B4GALT6: variants seen among roughly 807,000 people sequenced by gnomAD.
B4GALT6 encodes beta-1,4-galactosyltransferase 6.
Under a neutral mutation model 46.3 loss-of-function variants are expected in B4GALT6, and 14 were observed. The ratio of observed to expected loss-of-function variants is 0.30; its 90% confidence interval spans 0.20 to 0.47. B4GALT6 has a LOEUF of 0.47. B4GALT6 is among the 20% of genes least tolerant of loss of function. The probability of loss-of-function intolerance (pLI) is 0.99; values close to 1 mark genes in which losing one functional copy is unlikely to be tolerated. For missense variants in B4GALT6, 386 were observed against 480.1 expected, an observed-to-expected ratio of 0.80 and a Z score of 1.83; for synonymous variants, 168 against 162.0, an observed-to-expected ratio of 1.04 and a Z score of -0.28.
rs577768927 is a variant in B4GALT6, at chr18:31,623,405, A to C, written c.*2209T>G. 11 of 152,510 alleles carry C rather than the reference A, an allele frequency of 7.2e-5. No homozygotes were observed. The highest frequency in any genetic ancestry group is 2.0e-4 in the Admixed American group (3 of 15,276). 9.4% of individuals were successfully genotyped at this position (152,510 alleles called of 1,614,324 possible). ...AAAAAAAGCAAAATGTTTATATCTC[A>C]CTCCTGAAACAAAAATTAACATCAG... On this transcript the variant is annotated 3_prime_UTR_variant, in exon 9 of 9. Transcript: ENST00000306851.
intron 4 of B4GALT6, among the ~76,000 whole-genome samples, chr18:31,644,102 G>C (rs1365132401): frequency 6.6e-6 from 1 of 152,186 alleles, no homozygotes; most frequent in Non-Finnish European, 1.5e-5. Context: ...AAATGAATCT[G>C]ATCTGGGAAA....
At chr18:31,712,420 A>T in the B4GALT6 span, among the ~76,000 whole-genome samples, 2 of 148,482 alleles carry the variant, frequency 1.3e-5, no homozygotes, top group African/African-American at 5.1e-5. Flanking sequence ...CTCCTGCCTC[A>T]GCCTCCCAAG....
intron 2 of B4GALT6, among the ~76,000 whole-genome samples, chr18:31,662,140 T>C (rs1254318886): frequency 2.0e-5 from 3 of 152,206 alleles, no homozygotes; most frequent in Non-Finnish European, 4.4e-5. Flanking sequence ...AGAGTAAACA[T>C]TCCATCACTT....
chr18:31,665,599 G>A (rs1050303262), intron 2 of B4GALT6, among the ~76,000 whole-genome samples: 21 of 152,068 alleles, frequency 1.4e-4, no homozygotes, highest in African/African-American at 4.1e-4. Context: ...AAAATTAGCC[G>A]GGCGTGGTGA....
chr18:31,673,617 A>C (rs1389215506), intron 1 of B4GALT6, among the ~76,000 whole-genome samples: 1 of 152,230 alleles, frequency 6.6e-6, no homozygotes. Context: ...ACATTTACTA[A>C]GTGCTGAGTT....
chr18:31,681,097 G>C (rs928270911), intron 1 of B4GALT6, among the ~76,000 whole-genome samples: 2 of 102,488 alleles, frequency 2.0e-5, no homozygotes, highest in Non-Finnish European at 4.1e-5. Context: ...ATGAGCCTTA[G>C]TCATCTATCT....
At position 31,623,952 on chromosome 18, in the gene B4GALT6, ATTG is replaced by A. The variant is rs1287058062; in HGVS notation, c.*1659_*1661del. The A allele has an allele frequency of 2.6e-5, 4 of 152,006 alleles. No homozygotes were observed. The highest frequency in any genetic ancestry group is 1.9e-4 in the East Asian group (1 of 5,206). 9.4% of individuals were successfully genotyped at this position (152,006 alleles called of 1,614,324 possible). A position where few individuals can be genotyped will look rare whatever the true frequency, so the allele number is the denominator to read the frequency against. On this transcript the variant is annotated 3_prime_UTR_variant, in exon 9 of 9. Transcript: ENST00000306851. ...CATATATAGATTTCTATTGCTCATC[ATTG>A]TTGTTGAACATTCACTTTATAGATA...
chr18:31,701,619 C>T, the B4GALT6 span, among the ~76,000 whole-genome samples: 1 of 152,096 alleles, frequency 6.6e-6, no homozygotes, highest in Admixed American at 6.5e-5. Flanking sequence ...AAAATGTCCA[C>T]AGTTCAATGT....
intron 2 of B4GALT6, among the ~76,000 whole-genome samples, chr18:31,660,716 AAAAG>A (rs1212428445): frequency 6.6e-6 from 1 of 152,152 alleles, no homozygotes; most frequent in Non-Finnish European, 1.5e-5. Flanking sequence ...AGGAGTTCCA[AAAAG>A]AAAGGAAAAT....
intron 1 of B4GALT6, among the ~76,000 whole-genome samples, chr18:31,673,819 T>A (rs1024486549): frequency 6.6e-6 from 1 of 152,104 alleles, no homozygotes; most frequent in African/African-American, 2.4e-5. Flanking sequence ...GCAATTAAGC[T>A]AAGGATTCTG....
At chr18:31,709,551 ATATGTGTG>A in the B4GALT6 span, among the ~76,000 whole-genome samples, 91 of 104,018 alleles carry the variant, frequency 8.7e-4, no homozygotes, top group South Asian at 1.2e-3. Context: ...AATAGGATAT[ATATGTGTG>A]TGTGTGTGTG....
At chr18:31,660,003 A>G (rs1405804977) in intron 2 of B4GALT6, among the ~76,000 whole-genome samples, 1 of 130,018 alleles carries the variant, frequency 7.7e-6, no homozygotes, top group African/African-American at 3.0e-5. Context: ...CATAGGCTGG[A>G]GTGCAGTGGC....
chr18:31,701,405 G>T, the B4GALT6 span, among the ~76,000 whole-genome samples: 2,580 of 152,242 alleles, frequency 0.017, 93 homozygotes, highest in African/African-American at 0.06. Context: ...CTTCTGCACA[G>T]CCTGCAGAAC....
At chr18:31,708,776 A>G in the B4GALT6 span, among the ~76,000 whole-genome samples, 2 of 152,128 alleles carry the variant, frequency 1.3e-5, no homozygotes, top group African/African-American at 4.8e-5. Flanking sequence ...AAGATTAGAT[A>G]GATCTGGGGA....
At chr18:31,672,797 A>T (rs1284934549) in intron 1 of B4GALT6, among the ~76,000 whole-genome samples, 1 of 152,194 alleles carries the variant, frequency 6.6e-6, no homozygotes, top group African/African-American at 2.4e-5. Flanking sequence ...TAAGTGGTGG[A>T]GCCAGAATTC....
the B4GALT6 span, among the ~76,000 whole-genome samples, chr18:31,699,512 G>C: frequency 6.7e-6 from 1 of 149,992 alleles, no homozygotes; most frequent in East Asian, 1.9e-4. Flanking sequence ...GACCTCAGGT[G>C]ATCTGCCTGC....
intron 5 of B4GALT6, among the ~76,000 whole-genome samples, chr18:31,633,878 T>C (rs1234857514): frequency 6.6e-6 from 1 of 152,180 alleles, no homozygotes; most frequent in Non-Finnish European, 1.5e-5. Context: ...TGCAGAATGA[T>C]TTACTACTGC....
Position 31,625,701 on chromosome 18 carries a change from T to C in B4GALT6, c.1062A>G (p.Ile354Met), listed in dbSNP as rs116094076. The change falls in exon 9 of 9, where the codon ATA becomes ATG. Residue 354 changes from isoleucine to methionine, a missense_variant. Ile to Met is a conservative substitution (Grantham distance 10). This residue lies in a region of B4GALT6 where 323 missense variants were observed against 438.9 expected (regional missense o/e 0.74). Transcript: ENST00000306851. ...TATCAACCAGTATTTTTGGCCTATA[T>C]ATTAAATTGTTCAGTCCATCGATGT... Reference protein sequence around the residue: ...RQYIDGLNNLIYRPKILVDRL... With the variant: ...RQYIDGLNNLMYRPKILVDRL... 1.9e-6 allele frequency: 3 copies of C among 1,613,716 alleles called. No individual in the cohort carries two copies. Among genetic ancestry groups the C allele is most frequent in the Non-Finnish European group, 2.5e-6 (3 of 1,179,802 alleles).
chr18:31,677,186 T>A (rs1055016701), intron 1 of B4GALT6, among the ~76,000 whole-genome samples: 4 of 152,066 alleles, frequency 2.6e-5, no homozygotes, highest in Non-Finnish European at 4.4e-5. Context: ...GGAAAAAAAA[T>A]AAAACATTAA....
Sources: gnomAD v4.1 joint callset for allele counts (sites outside exome capture counted in the v4.1 genomes callset) on GRCh38, gnomAD v4.1.1 for gene constraint, gnomAD v4.1.1 regional missense constraint, MANE v1.5 for transcripts, NCBI Gene and HGNC (gene_info 2026-07-23, HGNC 2026-07-21) for gene names.